Variants in TTN observed in about 807,000 individuals in gnomAD.
TTN encodes connectin.
TTN carries 1,525 observed loss-of-function variants against 3,223.0 expected under a neutral mutation model. That is an observed-to-expected ratio of 0.47 (90% CI 0.45 to 0.49). The LOEUF (loss-of-function observed/expected upper bound fraction) is 0.49. TTN is among the 20% of genes least tolerant of loss of function. The pLI is 0.00. For synonymous variants in TTN, 14,094 were observed against 15,161.0 expected (o/e 0.93, Z 5.17); for missense variants, 40,786 against 43,424.0 (o/e 0.94, Z 5.40).
chr2:178,559,815 T>C lies in TTN; in HGVS notation c.86317A>G (p.Thr28773Ala). ...TLIVKAGASFTMTVPFRGRPV... is the reference protein window; with the variant it reads ...TLIVKAGASFAMTVPFRGRPV... The stretch of plus-strand genomic sequence containing the variant: ...CTTCCTCGGAAAGGCACAGTCATGG[T>C]AAATGAGGCACCAGCCTTGACAATC... The change falls in exon 326 of 363, where the codon ACC (threonine) becomes GCC (alanine). Residue 28773 changes from threonine to alanine, a missense_variant. Physicochemically the swap from Thr to Ala is moderately conservative, Grantham distance 58. Transcript: ENST00000589042. 6.2e-7 allele frequency: 1 copy of C among 1,610,428 alleles called. No homozygotes were observed. Among genetic ancestry groups the C allele is most frequent in the South Asian group, 1.1e-5 (1 of 90,892 alleles).
chr2:178,791,451 C>T (rs1295700007), intron 10 of TTN, among the ~76,000 whole-genome samples: 1 of 152,182 alleles, frequency 6.6e-6, no homozygotes, highest in East Asian at 1.9e-4. Flanking sequence ...TTTGATTTCA[C>T]ATACGGGAGA....
Position 178,584,919 on chromosome 2 carries a change from A to C in TTN, c.64722T>G (p.Ala21574=), listed in dbSNP as rs1306616897. ...TGTGCCATGACAGGGAGCAAGCATC[A>C]GCGTCTATATCAGAAATGTCAAATG... ...QPPFDISDID[A]DACSLSWHIP... The change falls in exon 310 of 363, where the codon GCT becomes GCG. Residue 21574 remains alanine, a synonymous_variant. Coordinates refer to ENST00000589042, the MANE Select transcript of TTN (RefSeq NM_001267550.2). 1 of 1,613,234 alleles carries C rather than the reference A, an allele frequency of 6.2e-7. No individual in the cohort carries two copies. Among genetic ancestry groups the C allele is most frequent in the Non-Finnish European group, 8.5e-7 (1 of 1,179,542 alleles).
At position 178,722,912 on chromosome 2, in the gene TTN, C is replaced by G; in HGVS notation, c.21987G>C (p.Leu7329=). 1 of 1,611,940 alleles carries G rather than the reference C, an allele frequency of 6.2e-7. No homozygotes were observed. Among genetic ancestry groups the G allele is most frequent in the Non-Finnish European group, 8.5e-7 (1 of 1,178,882 alleles). ...TLEPPYFVTE[L]EPLEAAVGDS... is the part of the protein sequence containing the mutation. ...CTCCAACTGCTGCCTCCAGAGGTTC[C>G]AGTTCCGTAACAAAATAAGGCGGTT... The change falls in exon 76 of 363, where the codon CTG becomes CTC. Residue 7329 remains leucine, a synonymous_variant. Transcript: ENST00000589042.
rs376836503 is a variant in TTN at position 178,675,050 on chromosome 2, A to G, written c.34601T>C (p.Leu11534Pro). ...RIILPKEEEV[L>P]PVEVTEEPEE... ...AGAAAGTTATCTACCTTCAACTGGT[A>G]GAACTTCCTCTTCTTTAGGGAGAAT... Residue 11534 changes from leucine (L) to proline (P), a missense_variant, in exon 150 of 363, where the codon CTA (leucine) becomes CCA (proline). Physicochemically the swap from Leu to Pro is moderately conservative, Grantham distance 98. Transcript: ENST00000589042. The G allele has an allele frequency of 3.6e-5, 56 of 1,539,968 alleles. No individual in the cohort carries two copies. The highest frequency in any genetic ancestry group is 4.7e-5 in the Non-Finnish European group (54 of 1,150,138).
In TTN at chr2:178,652,703, T is replaced by C; in HGVS notation, c.38993A>G (p.Lys12998Arg). 1 of 1,613,394 alleles carries C rather than the reference T, an allele frequency of 6.2e-7. No homozygotes were observed. The highest frequency in any genetic ancestry group is 8.5e-7 in the Non-Finnish European group (1 of 1,179,528). ...TTTAGGAGGAGCCGAGGGCACTTTC[T>C]TTTCAGGAACAACCTCTTTGGGAGC... Reference protein sequence around the residue: ...PEAPKEVVPEKKVPSAPPKKP... With the variant: ...PEAPKEVVPERKVPSAPPKKP... Residue 12998 changes from lysine (K) to arginine (R), a missense_variant, in exon 201 of 363, where the codon AAG (lysine) becomes AGG (arginine). Physicochemically the swap from Lys to Arg is conservative, Grantham distance 26. Transcript: ENST00000589042.
At position 178,764,163 on chromosome 2, in the gene TTN, G is replaced by C. The variant is rs876657598; in HGVS notation, c.10114+14C>G. Reference sequence around the variant, plus strand: ...GTAAGTATTGGCAATGACACCTTTTGTTCTTAAACCTACCTGTTCCAGAAA... The same window carrying C: ...GTAAGTATTGGCAATGACACCTTTTCTTCTTAAACCTACCTGTTCCAGAAA... On this transcript the variant is annotated intron_variant, in intron 43 of 362. Transcript: ENST00000589042. 1 of 1,614,058 alleles carries C rather than the reference G, an allele frequency of 6.2e-7. No individual in the cohort carries two copies. Among genetic ancestry groups the C allele is most frequent in the East Asian group, 2.2e-5 (1 of 44,874 alleles).
rs747995441 is a variant in TTN, at chr2:178,694,581, A to G, written c.31426+18T>C. 1.2e-5 allele frequency: 19 copies of G among 1,539,122 alleles called. No homozygotes were observed. The highest frequency in any genetic ancestry group is 2.0e-5 in the Admixed American group (1 of 49,414). On this transcript the variant is annotated intron_variant, in intron 117 of 362. Transcript: ENST00000589042. ...TAAAAAAATTTTGAACTTGTAGCTG[A>G]AACACAAAGATGTATACCTTTCACT...
Position 178,677,248 on chromosome 2 carries a change from A to G in TTN, c.34331T>C (p.Val11444Ala). 2 of 1,218,658 alleles carry G rather than the reference A, an allele frequency of 1.6e-6. No homozygotes were observed. Among genetic ancestry groups the G allele is most frequent in the Non-Finnish European group, 2.0e-6 (2 of 981,302 alleles). 75.5% of individuals were successfully genotyped at this position (1,218,658 alleles called of 1,614,324 possible). A position where few individuals can be genotyped will look rare whatever the true frequency, so the allele number is the denominator to read the frequency against. Residue 11444 changes from valine to alanine, a missense_variant, in exon 147 of 363, where the codon GTC (valine) becomes GCC (alanine). Coordinates refer to ENST00000589042, the MANE Select transcript of TTN (RefSeq NM_001267550.2). Reference sequence around the variant, plus strand: ...CACTTTTTTAGGGGCGGGAACAGGGACTTTCTTCTCTGGTACAGGTTTCTT... The same window carrying G: ...CACTTTTTTAGGGGCGGGAACAGGGGCTTTCTTCTCTGGTACAGGTTTCTT... ...VPKKPVPEKK[V>A]PVPAPKKVEP... is the part of the protein sequence containing the mutation.
At chr2:178,615,172 CT>C in intron 259 of TTN, 134 bp downstream of exon 259, 1 of 1,159,144 alleles carries the variant, frequency 8.6e-7, no homozygotes. Context: ...TCAGCAGCAC[CT>C]TTAAAAATCA....
rs1195073939 is a variant in TTN, at chr2:178,652,736, A to G, written c.38960T>C (p.Val12987Ala). The change falls in exon 201 of 363, where the codon GTA (valine) becomes GCA (alanine). Residue 12987 changes from valine (V) to alanine (A), a missense_variant and splice_region_variant. Val to Ala is a moderately conservative substitution (Grantham distance 64). Coordinates refer to ENST00000589042, the MANE Select transcript of TTN (RefSeq NM_001267550.2). ...AACAACCTCTTTGGGAGCCTCTGGT[A>G]CTTAAAAGATATTAGTGAAATTACA... ...PKKPEVPPVK[V>A]PEAPKEVVPE... 1 of 1,612,694 alleles carries G rather than the reference A, an allele frequency of 6.2e-7. No individual in the cohort carries two copies. The highest frequency in any genetic ancestry group is 1.1e-5 in the South Asian group (1 of 91,012).
At chr2:178,679,577 C>T in intron 141 of TTN, 22 bp downstream of exon 141, 1 of 1,605,168 alleles carries the variant, frequency 6.2e-7, no homozygotes, top group African/African-American at 1.3e-5. Flanking sequence ...TCTTAGATAC[C>T]CGTCAATGAA....
chr2:178,736,060 T>C lies in TTN; in HGVS notation c.14386A>G (p.Thr4796Ala), dbSNP rs780971372. ...AGGGACTTAGGTCTGGAGAGAAAGG[T>C]TGGTGGATATGCCTCTGCAAAAGAA... Reference protein sequence around the residue: ...TLTVTEAYPPTFLSRPKSLTT... With the variant: ...TLTVTEAYPPAFLSRPKSLTT... The change falls in exon 50 of 363, where the codon ACC (threonine) becomes GCC (alanine). Residue 4796 changes from threonine (T) to alanine (A), a missense_variant. Physicochemically the swap from Thr to Ala is moderately conservative, Grantham distance 58. Coordinates refer to ENST00000589042, the MANE Select transcript of TTN (RefSeq NM_001267550.2). The C allele has an allele frequency of 1.5e-5, 24 of 1,582,284 alleles. No individual in the cohort carries two copies. The highest frequency in any genetic ancestry group is 3.4e-4 in the Middle Eastern group (2 of 5,896).
rs745971608 is a variant in TTN, at chr2:178,751,621, T to C, written c.11311+1503A>G. On this transcript the variant is annotated intron_variant, in intron 47 of 362. Coordinates refer to ENST00000589042, the MANE Select transcript of TTN (RefSeq NM_001267550.2). ...GCCCTTTTTGGATAACAAGCAATGA[T>C]GCAGTTGATTCTGCAGACCCTTCAC... 8 of 1,613,392 alleles carry C rather than the reference T, an allele frequency of 5.0e-6. No individual in the cohort carries two copies. In the South Asian group the frequency reaches 8.8e-5, roughly 18 times the overall value.
chr2:178,679,648 C>G lies in TTN; in HGVS notation c.33615G>C (p.Glu11205Asp). 6.2e-7 allele frequency: 1 copy of G among 1,611,370 alleles called. No individual in the cohort carries two copies. Among genetic ancestry groups the G allele is most frequent in the Non-Finnish European group, 8.5e-7 (1 of 1,179,006 alleles). ...TCTTGGGAACAGGAACAGGTTTCTT[C>G]TCTTCTGGAACAGGTTTCCTGGGTA... ...PEVPRKPVPE[E>D]KKPVPVPKKK... is the part of the protein sequence containing the mutation. The change falls in exon 141 of 363, where the codon GAG (glutamate) becomes GAC (aspartate). Residue 11205 changes from glutamate to aspartate, a missense_variant. Transcript: ENST00000589042.
At chr2:178,790,421 A>G (rs2093424551) in intron 11 of TTN, among the ~76,000 whole-genome samples, 1 of 152,256 alleles carries the variant, frequency 6.6e-6, no homozygotes, top group Admixed American at 6.5e-5. Flanking sequence ...CACTGTAAAT[A>G]GCACATAATT....
chr2:178,690,955 A>G (rs949817097), intron 121 of TTN, among the ~76,000 whole-genome samples: 2 of 152,178 alleles, frequency 1.3e-5, no homozygotes, highest in Non-Finnish European at 2.9e-5. Flanking sequence ...AAGGTTCTTT[A>G]TGCTTTGTAT....
rs1327237859 is a variant in TTN at position 178,589,954 on chromosome 2, C to T, written c.61771G>A (p.Glu20591Lys). 1 of 1,613,146 alleles carries T rather than the reference C, an allele frequency of 6.2e-7. No individual in the cohort carries two copies. The highest frequency in any genetic ancestry group is 1.1e-5 in the South Asian group (1 of 91,064). ...GAGCCACCATTATCTAGTGGGTTTT[C>T]CCAAGAAATTGTACAGTTCTCTTTG... is the stretch of plus-strand genomic sequence containing the variant. Reference protein sequence around the residue: ...VTKENCTISWENPLDNGGSEI... With the variant: ...VTKENCTISWKNPLDNGGSEI... Residue 20591 changes from glutamate to lysine, a missense_variant, in exon 304 of 363, where the codon GAA (glutamate) becomes AAA (lysine). By Grantham distance (56) the Glu-to-Lys change is moderately conservative. Transcript: ENST00000589042.
At chr2:178,596,656 C>T (rs2051714076) in intron 294 of TTN, among the ~76,000 whole-genome samples, 1 of 152,060 alleles carries the variant, frequency 6.6e-6, no homozygotes, top group Non-Finnish European at 1.5e-5. Context: ...GCTTTAGGTG[C>T]TTGAAACTAA....
At position 178,675,957 on chromosome 2, in the gene TTN, CCACTTTCTTCTCTGT is replaced by C. The variant is rs754236839; in HGVS notation, c.34402_34416del (p.Thr11468_Val11472del). 2.2e-5 allele frequency: 36 copies of C among 1,607,448 alleles called. No individual in the cohort carries two copies. In the East Asian group the frequency reaches 7.8e-4, roughly 35 times the overall value. On this transcript the variant is annotated inframe_deletion, in exon 148 of 363. Transcript: ENST00000589042. ...GGAGCCTCCTCTTTCTTGGGAATGA[CCACTTTCTTCTCTGT>C]CACTTTCTTCTTAATTTCAGGCACT... is the stretch of plus-strand genomic sequence containing the variant.
Sources: gnomAD v4.1 joint callset for allele counts (sites outside exome capture counted in the v4.1 genomes callset) on GRCh38, gnomAD v4.1.1 for gene constraint, MANE v1.5 for transcripts, NCBI Gene and HGNC (gene_info 2026-07-23, HGNC 2026-07-21) for gene names.